Variants in DAPP1 observed in about 807,000 individuals in gnomAD.
DAPP1 encodes dual adaptor of phosphotyrosine and 3-phosphoinositides 1.
A neutral mutation model predicts 41.5 loss-of-function variants in DAPP1; 20 were observed. That is an observed-to-expected ratio of 0.48 (90% CI 0.34 to 0.70). DAPP1 has a LOEUF of 0.70. Ranked by LOEUF, DAPP1 falls within the 30% of genes least tolerant of loss-of-function variation. DAPP1 has a pLI of 0.01. For missense variants in DAPP1, 233 were observed against 333.4 expected (o/e 0.70, Z 2.35); for synonymous variants, 113 against 116.2 (o/e 0.97, Z 0.18).
intron 1 of DAPP1, among the ~76,000 whole-genome samples, chr4:99,819,873 T>C (rs1722707899): frequency 6.6e-6 from 1 of 152,160 alleles, no homozygotes. Context: ...AATTGAGCCC[T>C]GAACTGCAGC....
chr4:99,847,921 C>A (rs1215879868), intron 3 of DAPP1, among the ~76,000 whole-genome samples: 1 of 152,040 alleles, frequency 6.6e-6, no homozygotes, highest in Non-Finnish European at 1.5e-5. Flanking sequence ...TCAAGCGATT[C>A]TCCTGTCTCA....
intron 3 of DAPP1, among the ~76,000 whole-genome samples, chr4:99,848,158 T>A (rs1431591444): frequency 6.6e-6 from 1 of 151,102 alleles, no homozygotes; most frequent in Non-Finnish European, 1.5e-5. Context: ...TCTGGCTAGC[T>A]GGGTTTTTTT....
At position 99,835,639 on chromosome 4, in the gene DAPP1, C is replaced by T. The variant is rs969041709; in HGVS notation, c.118C>T (p.Leu40Phe). The change falls in exon 2 of 9, where the codon CTC (leucine) becomes TTC (phenylalanine). Residue 40 changes from leucine to phenylalanine, a missense_variant. Transcript: ENST00000512369. ...LQDLGWYHGNLTRHAAEALLL... is the reference protein window; with the variant it reads ...LQDLGWYHGNFTRHAAEALLL... The stretch of plus-strand genomic sequence containing the variant: ...CCTTTCTAGGTGGTATCACGGCAAC[C>T]TCACACGCCATGCTGCTGAAGCTCT... The T allele has an allele frequency of 1.2e-6, 2 of 1,613,288 alleles. No individual in the cohort carries two copies. The highest frequency in any genetic ancestry group is 1.7e-6 in the Non-Finnish European group (2 of 1,179,838).
chr4:99,865,966 T>TTA (rs144437006), intron 7 of DAPP1, 68 bp from the exon 8 acceptor site: 849 of 80,044 alleles, frequency 0.011, 6 homozygotes, highest in South Asian at 0.022. Context: ...ATTATATATA[T>TTA]TATATATATA....
intron 3 of DAPP1, among the ~76,000 whole-genome samples, chr4:99,849,405 C>T (rs2110154990): frequency 6.6e-6 from 1 of 152,250 alleles, no homozygotes; most frequent in East Asian, 1.9e-4. Context: ...CACTCATCTG[C>T]CTTCATTATG....
intron 1 of DAPP1, among the ~76,000 whole-genome samples, chr4:99,828,068 A>G (rs1723001339): frequency 6.6e-6 from 1 of 152,238 alleles, no homozygotes; most frequent in Non-Finnish European, 1.5e-5. Context: ...CTATACAAGT[A>G]CTGAGTTCCC....
chr4:99,840,358 A>C lies in DAPP1; in HGVS notation c.294A>C (p.Glu98Asp), dbSNP rs763855611. Residue 98 changes from glutamate (E) to aspartate (D), a missense_variant, in exon 3 of 9, where the codon GAA becomes GAC. Coordinates refer to ENST00000512369, the MANE Select transcript of DAPP1 (RefSeq NM_014395.3). ...ATTCATTTAAATTTGGCTTTAATGA[A>C]TTCTCATCTTTGAAGGATTTTGTCA... ...TGYSFKFGFNEFSSLKDFVKH... is the reference protein window; with the variant it reads ...TGYSFKFGFNDFSSLKDFVKH... 2.5e-6 allele frequency: 4 copies of C among 1,611,126 alleles called. No homozygotes were observed. The East Asian group carries it at 8.9e-5, about 36-fold the overall frequency.
intron 3 of DAPP1, among the ~76,000 whole-genome samples, chr4:99,849,128 C>G (rs1486264937): frequency 1.3e-5 from 2 of 152,160 alleles, no homozygotes; most frequent in Non-Finnish European, 2.9e-5. Context: ...TGTGGGGTTA[C>G]TAGTTAAAAT....
intron 4 of DAPP1, among the ~76,000 whole-genome samples, chr4:99,857,115 A>T (rs1212558010): frequency 6.6e-6 from 1 of 152,236 alleles, no homozygotes; most frequent in Admixed American, 6.5e-5. Flanking sequence ...TATTCTTCAA[A>T]GAGTGGTAGA....
chr4:99,828,281 A>G (rs928775721), intron 1 of DAPP1, among the ~76,000 whole-genome samples: 1 of 152,238 alleles, frequency 6.6e-6, no homozygotes, highest in African/African-American at 2.4e-5. Flanking sequence ...TTAATGGGTC[A>G]CATCAATATT....
chr4:99,865,900 AAT>A (rs58862847), intron 7 of DAPP1, 132 bp from the exon 8 acceptor site: 27,406 of 70,800 alleles, frequency 0.39, 5,536 homozygotes, highest in South Asian at 0.58. Context: ...GTGTTCAACT[AAT>A]ATATATATAT....
At chr4:99,863,716 C>CTT (rs1291348940) in intron 6 of DAPP1, 54 bp from the exon 7 acceptor site, 1 of 867,650 alleles carries the variant, frequency 1.2e-6, no homozygotes, top group East Asian at 3.5e-5. Context: ...ACAGATTTGT[C>CTT]TGTTTTTTTT....
chr4:99,848,473 T>C lies in DAPP1; in HGVS notation c.359-4745T>C, dbSNP rs569083100. 1.0e-4 allele frequency among the ~76,000 whole-genome samples: 15 copies of C among 149,738 alleles called. No homozygotes were observed. The East Asian group carries it at 3.1e-3, about 31-fold the overall frequency. The stretch of plus-strand genomic sequence containing the variant: ...CTCCATCTCCTGACCTTGTGATCCG[T>C]ATGCCTCGGCCTCCCAAAGTGCTGG... On this transcript the variant is annotated intron_variant, in intron 3 of 8. Coordinates refer to ENST00000512369, the MANE Select transcript of DAPP1 (RefSeq NM_014395.3).
intron 2 of DAPP1, among the ~76,000 whole-genome samples, chr4:99,837,110 G>C (rs1440203557): frequency 6.6e-6 from 1 of 152,182 alleles, no homozygotes; most frequent in Non-Finnish European, 1.5e-5. Context: ...ACATCTCCCT[G>C]ACTTTTTCTT....
intron 6 of DAPP1, 46 bp downstream of exon 6, chr4:99,863,118 A>G (rs1296945770): frequency 1.6e-6 from 2 of 1,276,504 alleles, no homozygotes; most frequent in Admixed American, 2.9e-5. Context: ...TCAATTCTCT[A>G]GATGAAAGAA....
chr4:99,861,433 C>T, intron 4 of DAPP1, 145 bp from the exon 5 acceptor site: 1 of 834,082 alleles, frequency 1.2e-6, no homozygotes, highest in South Asian at 1.7e-5. Context: ...CACATGGAAG[C>T]TTTTCAAGTG....
chr4:99,830,578 T>C (rs764074947), intron 1 of DAPP1, among the ~76,000 whole-genome samples: 30 of 152,200 alleles, frequency 2.0e-4, no homozygotes, highest in Non-Finnish European at 2.4e-4. Flanking sequence ...CATTCCCAAC[T>C]GCTGTCCTTC....
intron 1 of DAPP1, among the ~76,000 whole-genome samples, chr4:99,825,659 G>A (rs1722914516): frequency 6.6e-6 from 1 of 152,198 alleles, no homozygotes; most frequent in African/African-American, 2.4e-5. Context: ...CGTCTCTATT[G>A]GAGAGACTCT....
chr4:99,868,443 G>T lies in DAPP1; in HGVS notation c.*258G>T. 1 of 488,882 alleles carries T rather than the reference G, an allele frequency of 2.0e-6. No individual in the cohort carries two copies. Among genetic ancestry groups the T allele is most frequent in the East Asian group, 3.7e-5 (1 of 26,818 alleles). The allele number at this position is 488,882 out of a possible 1,614,324, so 30.3% of individuals were successfully genotyped here. ...TGCTTAAACCACCACTCTTAGGTCTGCTCACTCTTAGAACACACAATGGAA... is the reference window on the plus strand; with the variant it reads ...TGCTTAAACCACCACTCTTAGGTCTTCTCACTCTTAGAACACACAATGGAA... On this transcript the variant is annotated 3_prime_UTR_variant, in exon 9 of 9. Transcript: ENST00000512369.
Sources: allele counts gnomAD v4.1 joint callset (sites outside exome capture counted in the v4.1 genomes callset), GRCh38; gene constraint gnomAD v4.1.1; transcripts MANE v1.5; gene names NCBI Gene and HGNC (gene_info 2026-07-23, HGNC 2026-07-21).